Variants in WWOX observed in about 807,000 individuals in gnomAD.
WWOX encodes WW domain containing oxidoreductase.
Under a neutral mutation model 46.2 loss-of-function variants are expected in WWOX, and 69 were observed. The ratio of observed to expected loss-of-function variants is 1.49; its 90% CI spans 1.23 to 1.82. The LOEUF (loss-of-function observed/expected upper bound fraction) is 1.82. Ranked by LOEUF, WWOX falls within the 40% of genes most tolerant of loss-of-function variation. WWOX has a pLI of 0.00. For synonymous variants in WWOX, 359 were observed against 202.6 expected, an observed-to-expected ratio of 1.77 and a Z score of -6.56; for missense variants, 919 against 542.6, an observed-to-expected ratio of 1.69 and a Z score of -6.89.
At chr16:78,855,893 C>T (rs1043849844) in intron 8 of WWOX, among the ~76,000 whole-genome samples, 1 of 152,202 alleles carries the variant, frequency 6.6e-6, no homozygotes, top group African/African-American at 2.4e-5. Context: ...TCCTTACTCT[C>T]ATGTAACTCG....
At chr16:78,491,384 G>A (rs1164257330) in intron 8 of WWOX, among the ~76,000 whole-genome samples, 1 of 152,170 alleles carries the variant, frequency 6.6e-6, no homozygotes, top group African/African-American at 2.4e-5. Context: ...TAGGTGCTCA[G>A]TGAACAGTTC....
intron 5 of WWOX, among the ~76,000 whole-genome samples, chr16:78,190,057 A>T (rs1265473103): frequency 6.6e-6 from 1 of 152,214 alleles, no homozygotes. Flanking sequence ...CTTGGTATTA[A>T]TAGCTCCATC....
At chr16:78,968,155 CGCGTG>C (rs1567446113) in intron 8 of WWOX, among the ~76,000 whole-genome samples, 25 of 10,580 alleles carry the variant, frequency 2.4e-3, no homozygotes, top group East Asian at 0.023. Context: ...GCGCGTGGTC[CGCGTG>C]GCACAGCGCG....
intron 8 of WWOX, among the ~76,000 whole-genome samples, chr16:78,908,562 T>C (rs2045027606): frequency 1.3e-5 from 2 of 149,052 alleles, no homozygotes; most frequent in African/African-American, 4.9e-5. Context: ...AAGAGTTTAA[T>C]TCATGCAGAG....
At chr16:78,969,595 C>T (rs535523599) in intron 8 of WWOX, among the ~76,000 whole-genome samples, 6 of 152,308 alleles carry the variant, frequency 3.9e-5, no homozygotes, top group African/African-American at 9.6e-5. Context: ...AGAACAGTTC[C>T]TCTCTTCTTT....
intron 8 of WWOX, among the ~76,000 whole-genome samples, chr16:78,582,200 T>A (rs1398490492): frequency 4.6e-5 from 7 of 152,212 alleles, no homozygotes. Flanking sequence ...GCCAGAAGAA[T>A]GTTCCTAAGT....
intron 8 of WWOX, among the ~76,000 whole-genome samples, chr16:79,074,417 T>TTTTTTTTTTTTTTTTTTTTTTTTTTC (rs1455191495): frequency 8.3e-6 from 1 of 120,378 alleles, no homozygotes; most frequent in Non-Finnish European, 1.7e-5. Context: ...TCCTTTTTTT[T>TTTTTTTTTTTTTTTTTTTTTTTTTTC]TTTTTTTTTT....
chr16:78,563,144 G>C (rs1284958541), intron 8 of WWOX, among the ~76,000 whole-genome samples: 3 of 152,126 alleles, frequency 2.0e-5, no homozygotes, highest in Admixed American at 1.3e-4. Context: ...AGAGCAGTGC[G>C]ATTTCTCCAA....
intron 8 of WWOX, among the ~76,000 whole-genome samples, chr16:78,607,359 T>C (rs2045784549): frequency 6.6e-6 from 1 of 152,234 alleles, no homozygotes; most frequent in Admixed American, 6.5e-5. Flanking sequence ...TTCTCTTCCC[T>C]TTTGTTTGTG....
Position 78,851,545 on chromosome 16 carries a change from G to C in WWOX, c.1057-360063G>C, listed in dbSNP as rs115550880. On this transcript the variant is annotated intron_variant, in intron 8 of 8. Transcript: ENST00000566780. ...CACAGTGAAGCTGTATTGCACGTTTGTGTTTGTTTATTTTCCATCTTTCCC... is the reference window on the plus strand; with the variant it reads ...CACAGTGAAGCTGTATTGCACGTTTCTGTTTGTTTATTTTCCATCTTTCCC... Among the ~76,000 whole-genome samples the C allele has an allele frequency of 2.4e-3, 364 of 152,306 alleles. 1 individual carries two copies. Among genetic ancestry groups the C allele is most frequent in the African/African-American group, 8.4e-3 (351 of 41,564 alleles).
rs781679566 is a variant in WWOX, at chr16:78,245,406, A to G, written c.516+81117A>G. ...ATTTCTATGGGATTGATTTGCCAGA[A>G]GTAGAATTTCTAGGTCAAAGGTACA... is the stretch of plus-strand genomic sequence containing the variant. On this transcript the variant is annotated intron_variant, in intron 5 of 8. Transcript: ENST00000566780. Among the ~76,000 whole-genome samples, 14 of 152,224 alleles carry G rather than the reference A, an allele frequency of 9.2e-5. 1 individual carries two copies. The highest frequency in any genetic ancestry group is 2.1e-4 in the Non-Finnish European group (14 of 68,038).
At chr16:78,457,224 A>T (rs1392606068) in intron 8 of WWOX, among the ~76,000 whole-genome samples, 1 of 152,222 alleles carries the variant, frequency 6.6e-6, no homozygotes, top group East Asian at 1.9e-4. Context: ...CTCAGATAAC[A>T]GTTCTTCTGG....
intron 6 of WWOX, among the ~76,000 whole-genome samples, chr16:78,411,920 A>G (rs2082690388): frequency 6.6e-6 from 1 of 152,194 alleles, no homozygotes; most frequent in Non-Finnish European, 1.5e-5. Flanking sequence ...TTTGGTTTCT[A>G]CTGGAAATCT....
At chr16:78,807,697 A>T (rs1429260005) in intron 8 of WWOX, among the ~76,000 whole-genome samples, 1 of 152,242 alleles carries the variant, frequency 6.6e-6, no homozygotes. Context: ...ATTCTCAGAA[A>T]GAAGAAACAA....
intron 8 of WWOX, among the ~76,000 whole-genome samples, chr16:79,183,597 T>G (rs186724517): frequency 3.2e-4 from 48 of 152,350 alleles, no homozygotes; most frequent in Non-Finnish European, 4.4e-4. Flanking sequence ...TAAATCAGTG[T>G]GTTCCTTATA....
At chr16:78,605,584 G>A (rs778493835) in intron 8 of WWOX, among the ~76,000 whole-genome samples, 2 of 152,042 alleles carry the variant, frequency 1.3e-5, no homozygotes, top group Non-Finnish European at 1.5e-5. Flanking sequence ...ACCAATGCCT[G>A]CCCTTTCTAG....
chr16:78,648,858 T>A (rs555850383), intron 8 of WWOX, among the ~76,000 whole-genome samples: 1 of 152,372 alleles, frequency 6.6e-6, no homozygotes, highest in Non-Finnish European at 1.5e-5. Flanking sequence ...CTATTTGTTA[T>A]TATTTGGGTT....
At chr16:78,102,979 T>C (rs1203475524) in intron 1 of WWOX, among the ~76,000 whole-genome samples, 1 of 152,122 alleles carries the variant, frequency 6.6e-6, no homozygotes, top group Non-Finnish European at 1.5e-5. Flanking sequence ...CTGTGGGGCG[T>C]CTCCTCCTTT....
chr16:78,911,384 C>T (rs947867546), intron 8 of WWOX, among the ~76,000 whole-genome samples: 7 of 151,988 alleles, frequency 4.6e-5, no homozygotes, highest in African/African-American at 1.7e-4. Flanking sequence ...CATGGAGAAG[C>T]AGTCTTTTCT....
Sources: gnomAD v4.1 joint callset for allele counts (sites outside exome capture counted in the v4.1 genomes callset) on GRCh38, gnomAD v4.1.1 for gene constraint, MANE v1.5 for transcripts, NCBI Gene and HGNC (gene_info 2026-07-23, HGNC 2026-07-21) for gene names.